TSHZ2: variants seen among roughly 807,000 people sequenced by gnomAD.
The protein encoded by TSHZ2 is teashirt zinc finger homeobox 2.
A neutral mutation model predicts 74.4 loss-of-function variants in TSHZ2; 21 were observed. That is an observed-to-expected ratio of 0.28 (90% CI 0.20 to 0.41). The LOEUF is 0.41. TSHZ2 is among the 10% of genes least tolerant of loss of function. TSHZ2 has a pLI of 1.00. For synonymous variants in TSHZ2, 540 were observed against 515.3 expected, an observed-to-expected ratio of 1.05 and a Z score of -0.65; for missense variants, 1,244 against 1,293.5, an observed-to-expected ratio of 0.96 and a Z score of 0.59.
chr20:53,042,941 TAA>T, intron 1 of TSHZ2, among the ~76,000 whole-genome samples: 1 of 152,300 alleles, frequency 6.6e-6, no homozygotes, highest in Non-Finnish European at 1.5e-5. Flanking sequence ...TGTCCATCAC[TAA>T]AAAGTCAGTT....
chr20:53,068,074 ATT>A (rs1985049362), intron 1 of TSHZ2, among the ~76,000 whole-genome samples: 1 of 152,030 alleles, frequency 6.6e-6, no homozygotes, highest in Non-Finnish European at 1.5e-5. Context: ...CTGTGTCCAA[ATT>A]TCCTTTGATT....
chr20:53,253,360 G>A (rs539393950), intron 1 of TSHZ2, 139 bp from the exon 2 acceptor site: 1 of 1,205,852 alleles, frequency 8.3e-7, no homozygotes, highest in South Asian at 2.2e-5. Flanking sequence ...CTTTTCCTGT[G>A]TCCACTGCTC....
At chr20:53,137,079 C>T (rs979799245) in intron 1 of TSHZ2, among the ~76,000 whole-genome samples, 2 of 151,908 alleles carry the variant, frequency 1.3e-5, no homozygotes, top group African/African-American at 4.8e-5. Flanking sequence ...GCTTGGGTTC[C>T]GAAAAATTAA....
intron 1 of TSHZ2, among the ~76,000 whole-genome samples, chr20:53,151,829 C>T (rs1427971456): frequency 3.9e-5 from 6 of 151,910 alleles, no homozygotes; most frequent in Non-Finnish European, 8.8e-5. Flanking sequence ...ATATGGATAC[C>T]ATTGGTGATT....
chr20:53,010,984 CTT>C (rs1488246577), intron 1 of TSHZ2, among the ~76,000 whole-genome samples: 1 of 152,036 alleles, frequency 6.6e-6, no homozygotes. Flanking sequence ...ATATTTATAA[CTT>C]AATTAAATCT....
At chr20:53,056,155 C>T (rs540509471) in intron 1 of TSHZ2, among the ~76,000 whole-genome samples, 4 of 152,268 alleles carry the variant, frequency 2.6e-5, no homozygotes, top group Admixed American at 1.3e-4. Flanking sequence ...ATTTTGGTTG[C>T]GTGAACTTAA....
At chr20:53,276,134 C>G (rs538613231) in intron 2 of TSHZ2, among the ~76,000 whole-genome samples, 86 of 152,256 alleles carry the variant, frequency 5.6e-4, no homozygotes, top group African/African-American at 2.0e-3. Flanking sequence ...CTTTCTCCAC[C>G]TTTCCACTCA....
intron 1 of TSHZ2, among the ~76,000 whole-genome samples, chr20:53,026,283 C>T (rs1983441933): frequency 6.6e-6 from 1 of 152,010 alleles, no homozygotes; most frequent in African/African-American, 2.4e-5. Context: ...TATGTCAGGC[C>T]ACCTCTGGCC....
At chr20:52,975,490 G>A (rs776406568) in intron 1 of TSHZ2, among the ~76,000 whole-genome samples, 3 of 151,156 alleles carry the variant, frequency 2.0e-5, no homozygotes, top group Non-Finnish European at 4.4e-5. Context: ...TGTTGGTGCT[G>A]GCTAGTTTAT....
Position 53,248,709 on chromosome 20 carries a change from C to T in TSHZ2, c.41-4790C>T, listed in dbSNP as rs904171203. On this transcript the variant is annotated intron_variant, in intron 1 of 2. Coordinates refer to ENST00000371497, the MANE Select transcript of TSHZ2 (RefSeq NM_173485.6). The stretch of plus-strand genomic sequence containing the variant: ...AGCATAGATTCTGATGCTTTGAGGT[C>T]TTGTTGCTTATTTGCAGCCTTTATA... 4.6e-5 allele frequency among the ~76,000 whole-genome samples: 7 copies of T among 152,294 alleles called. No homozygotes were observed. In the East Asian group the frequency reaches 1.4e-3, roughly 29 times the overall value.
chr20:52,974,226 G>C (rs1159723234), intron 1 of TSHZ2, among the ~76,000 whole-genome samples: 1 of 152,032 alleles, frequency 6.6e-6, no homozygotes, highest in Non-Finnish European at 1.5e-5. Context: ...TCTTCTGCCA[G>C]ACCCACCCAC....
chr20:53,074,622 A>C lies in TSHZ2; in HGVS notation c.40+101289A>C, dbSNP rs538114511. ...ATAGTGATTGCTATGTCTGAGTTTC[A>C]GGGACTCATAATAAAGGACTATTCA... On this transcript the variant is annotated intron_variant, in intron 1 of 2. Transcript: ENST00000371497. This position sits in a 1 kb window ranked among gnomAD's most constrained non-coding sequence, Gnocchi z 5.9. 1.3e-5 allele frequency among the ~76,000 whole-genome samples: 2 copies of C among 152,232 alleles called. No homozygotes were observed. The highest frequency in any genetic ancestry group is 2.9e-5 in the Non-Finnish European group (2 of 68,028).
At chr20:53,444,240 G>A (rs1333761152) in intron 2 of TSHZ2, among the ~76,000 whole-genome samples, 10 of 152,082 alleles carry the variant, frequency 6.6e-5, no homozygotes, top group Admixed American at 3.3e-4. Context: ...GTTCTCTGTC[G>A]CACATTCTAG....
chr20:53,494,755 G>A lies in TSHZ2; in HGVS notation c.*7620G>A, dbSNP rs1218362202. On this transcript the variant is annotated 3_prime_UTR_variant, in exon 3 of 3. Transcript: ENST00000371497. Reference sequence around the variant, plus strand: ...ACAACACATTCGCCAAGGTTATATGGAGCCCCTGATTTCCATCAAAAAGGT... The same window carrying A: ...ACAACACATTCGCCAAGGTTATATGAAGCCCCTGATTTCCATCAAAAAGGT... 2 of 150,726 alleles carry A rather than the reference G, an allele frequency of 1.3e-5. No homozygotes were observed. Among genetic ancestry groups the A allele is most frequent in the Non-Finnish European group, 2.9e-5 (2 of 67,856 alleles). 9.3% of individuals were successfully genotyped at this position (150,726 alleles called of 1,614,324 possible).
At chr20:53,447,694 G>T (rs988515922) in intron 2 of TSHZ2, among the ~76,000 whole-genome samples, 1 of 152,116 alleles carries the variant, frequency 6.6e-6, no homozygotes, top group African/African-American at 2.4e-5. Flanking sequence ...ATAAACACTG[G>T]TTGGTGATTT....
intron 2 of TSHZ2, among the ~76,000 whole-genome samples, chr20:53,268,206 C>T (rs1990757645): frequency 6.6e-6 from 1 of 152,110 alleles, no homozygotes; most frequent in African/African-American, 2.4e-5. Context: ...GTTGGAGCCT[C>T]CAATACATTA....
intron 1 of TSHZ2, among the ~76,000 whole-genome samples, chr20:53,231,452 A>G (rs1306256997): frequency 2.0e-5 from 3 of 152,190 alleles, no homozygotes; most frequent in Non-Finnish European, 2.9e-5. Context: ...ATGTGGCCAC[A>G]CTGAGAAATG....
chr20:53,117,387 T>C (rs1251901196), intron 1 of TSHZ2, among the ~76,000 whole-genome samples: 1 of 152,200 alleles, frequency 6.6e-6, no homozygotes, highest in Non-Finnish European at 1.5e-5. Flanking sequence ...ACACACAAGG[T>C]ATCAGGCTCT....
At chr20:53,323,677 G>A (rs1318299794) in intron 2 of TSHZ2, among the ~76,000 whole-genome samples, 8 of 138,158 alleles carry the variant, frequency 5.8e-5, no homozygotes, top group Admixed American at 5.7e-4. Flanking sequence ...CCAGGTTCAA[G>A]CGATTATCTT....
Sources: gnomAD v4.1 joint callset for allele counts (sites outside exome capture counted in the v4.1 genomes callset) on GRCh38, gnomAD v4.1.1 for gene constraint, Gnocchi (gnomAD v3.1) non-coding constraint, MANE v1.5 for transcripts, NCBI Gene and HGNC (gene_info 2026-07-23, HGNC 2026-07-21) for gene names.